The following SFRP1 variants were observed in gnomAD, a reference collection of about 807,000 sequenced individuals.
SFRP1 encodes secreted frizzled related protein 1, also known as secreted frizzled-related protein 1.
Under a neutral mutation model 25.9 loss-of-function variants are expected in SFRP1, and 9 were observed. The ratio of observed to expected loss-of-function variants is 0.35; its 90% CI spans 0.21 to 0.61. SFRP1 has a LOEUF of 0.61. Ranked by LOEUF, SFRP1 falls within the 20% of genes least tolerant of loss-of-function variation. SFRP1 has a pLI of 0.78. For missense variants in SFRP1, 346 were observed against 418.2 expected, an observed-to-expected ratio of 0.83 and a Z score of 1.51; for synonymous variants, 178 against 174.0, an observed-to-expected ratio of 1.02 and a Z score of -0.18.
intron 1 of SFRP1, among the ~76,000 whole-genome samples, chr8:41,305,565 G>A (rs949236754): frequency 7.2e-5 from 11 of 152,180 alleles, no homozygotes; most frequent in South Asian, 2.1e-4. Flanking sequence ...TCATTGGTGC[G>A]TCTTGGGGCT....
chr8:41,277,107 G>A, intron 2 of SFRP1: 1 of 446,522 alleles, frequency 2.2e-6, no homozygotes, highest in South Asian at 1.6e-5. Context: ...GATTTCATCT[G>A]GGAAGCCACG....
intron 2 of SFRP1, among the ~76,000 whole-genome samples, chr8:41,283,565 T>A (rs1187050844): frequency 6.6e-6 from 1 of 150,960 alleles, no homozygotes; most frequent in Non-Finnish European, 1.5e-5. Context: ...AAAAAAAAAA[T>A]TAAACTCCTC....
intron 2 of SFRP1, among the ~76,000 whole-genome samples, chr8:41,291,147 AT>A (rs1803774969): frequency 1.3e-5 from 2 of 151,618 alleles, no homozygotes; most frequent in African/African-American, 4.8e-5. Flanking sequence ...GGACCTCATG[AT>A]CTGCCCACCT....
intron 2 of SFRP1, among the ~76,000 whole-genome samples, chr8:41,268,327 C>G (rs573209184): frequency 5.5e-4 from 84 of 152,284 alleles, no homozygotes; most frequent in African/African-American, 2.0e-3. Context: ...AGGATCAGAA[C>G]CCACACCTAA....
chr8:41,285,978 C>T (rs954902608), intron 2 of SFRP1, among the ~76,000 whole-genome samples: 2 of 144,658 alleles, frequency 1.4e-5, no homozygotes, highest in African/African-American at 5.1e-5. Context: ...GAACAGGCAA[C>T]GTTTCCACTC....
chr8:41,272,339 T>A (rs1257248567), intron 2 of SFRP1, among the ~76,000 whole-genome samples: 1 of 152,180 alleles, frequency 6.6e-6, no homozygotes, highest in Non-Finnish European at 1.5e-5. Context: ...GCACGGTGGC[T>A]CACGCCTGTA....
rs1014675812 is a variant in SFRP1 at position 41,262,265 on chromosome 8, T to G, written c.*2902A>C. The G allele has an allele frequency of 6.6e-6, 1 of 152,230 alleles. No individual in the cohort carries two copies. Among genetic ancestry groups the G allele is most frequent in the Non-Finnish European group, 1.5e-5 (1 of 68,042 alleles). The allele number at this position is 152,230 out of a possible 1,614,324, so 9.4% of individuals were successfully genotyped here. A position where few individuals can be genotyped will look rare whatever the true frequency, so the allele number is the denominator to read the frequency against. Reference sequence around the variant, plus strand: ...ACAGGTCAGAACGGCCAGTATGTTATTCCCTGCAGGCTGCCTAGGGTGCTC... The same window carrying G: ...ACAGGTCAGAACGGCCAGTATGTTAGTCCCTGCAGGCTGCCTAGGGTGCTC... On this transcript the variant is annotated 3_prime_UTR_variant, in exon 3 of 3. Transcript: ENST00000220772.
intron 2 of SFRP1, among the ~76,000 whole-genome samples, chr8:41,282,985 CTCATTCTTCT>C (rs1034483728): frequency 6.6e-5 from 10 of 152,336 alleles, no homozygotes; most frequent in African/African-American, 2.4e-4. Context: ...TATCTACGAT[CTCATTCTTCT>C]TCATTCCACT....
chr8:41,303,582 C>T (rs1439630721), intron 1 of SFRP1, 44 bp from the exon 2 acceptor site: 1 of 1,520,354 alleles, frequency 6.6e-7, no homozygotes, highest in Non-Finnish European at 9.1e-7. Flanking sequence ...AGTTACAGAG[C>T]AGGAAGGGAG....
Position 41,308,882 on chromosome 8 carries a change from T to G in SFRP1, c.278A>C (p.Gln93Pro). The G allele has an allele frequency of 6.2e-7, 1 of 1,611,390 alleles. No homozygotes were observed. Among genetic ancestry groups the G allele is most frequent in the Non-Finnish European group, 8.5e-7 (1 of 1,179,724 alleles). The change falls in exon 1 of 3, where the codon CAG (glutamine) becomes CCG (proline). Residue 93 changes from glutamine (Q) to proline (P), a missense_variant. By Grantham distance (76) the Gln-to-Pro change is moderately conservative (BLOSUM62 -1). Coordinates refer to ENST00000220772, the MANE Select transcript of SFRP1 (RefSeq NM_003012.5). Reference sequence around the variant, plus strand: ...GAGCAGGGGCACCCAGCTGCTGGCCTGCTGCTTCACCTCCGCCATGGTCTC... The same window carrying G: ...GAGCAGGGGCACCCAGCTGCTGGCCGGCTGCTTCACCTCCGCCATGGTCTC... ...EHETMAEVKQ[Q>P]ASSWVPLLNK...
chr8:41,308,934 T>A lies in SFRP1; in HGVS notation c.226A>T (p.Met76Leu). The A allele has an allele frequency of 1.9e-6, 3 of 1,613,398 alleles. No homozygotes were observed. Among genetic ancestry groups the A allele is most frequent in the Non-Finnish European group, 2.5e-6 (3 of 1,179,902 alleles). Residue 76 changes from methionine to leucine, a missense_variant, in exon 1 of 3, where the codon ATG (methionine) becomes TTG (leucine). By Grantham distance (15) the Met-to-Leu change is conservative. Transcript: ENST00000220772. ...RLCHNVGYKK[M>L]VLPNLLEHET... is the part of the protein sequence containing the mutation. ...TGCTCCAGCAGGTTGGGCAGCACCA[T>A]CTTCTTGTAGCCCACGTTGTGGCAC...
chr8:41,287,704 G>A (rs1803722809), intron 2 of SFRP1, among the ~76,000 whole-genome samples: 1 of 152,194 alleles, frequency 6.6e-6, no homozygotes, highest in Admixed American at 6.5e-5. Flanking sequence ...TTCTTTTTAA[G>A]CTTCTCTGAG....
intron 1 of SFRP1, among the ~76,000 whole-genome samples, chr8:41,304,725 A>AG (rs1426571976): frequency 2.6e-5 from 4 of 152,066 alleles, no homozygotes; most frequent in Non-Finnish European, 5.9e-5. Context: ...GGAAGAGAAG[A>AG]GGGGACCTGC....
chr8:41,308,786 G>A lies in SFRP1; in HGVS notation c.374C>T (p.Pro125Leu). The A allele has an allele frequency of 6.2e-7, 1 of 1,611,002 alleles. No individual in the cohort carries two copies. Among genetic ancestry groups the A allele is most frequent in the African/African-American group, 1.3e-5 (1 of 75,004 alleles). The part of the protein sequence containing the change: ...SLFAPVCLDR[P>L]IYPCRWLCEA... The stretch of plus-strand genomic sequence containing the variant: ...GCAGAGCCAGCGACACGGGTAGATG[G>A]GCCGGTCCAGGCAGACGGGCGCGAA... Residue 125 changes from proline to leucine, a missense_variant, in exon 1 of 3, where the codon CCC becomes CTC. By Grantham distance (98) the Pro-to-Leu change is moderately conservative. Transcript: ENST00000220772.
chr8:41,275,553 A>G (rs1009596334), intron 2 of SFRP1, among the ~76,000 whole-genome samples: 3 of 151,210 alleles, frequency 2.0e-5, no homozygotes, highest in African/African-American at 4.9e-5. Context: ...CCCAGGCTGG[A>G]GTGCAGTGGC....
At chr8:41,303,576 A>G in intron 1 of SFRP1, 38 bp from the exon 2 acceptor site, 1 of 1,553,082 alleles carries the variant, frequency 6.4e-7, no homozygotes, top group Non-Finnish European at 8.9e-7. Context: ...ACTGTAAGTT[A>G]CAGAGCAGGA....
At chr8:41,300,199 A>T (rs1197677814) in intron 2 of SFRP1, among the ~76,000 whole-genome samples, 1 of 152,208 alleles carries the variant, frequency 6.6e-6, no homozygotes, top group Non-Finnish European at 1.5e-5. Flanking sequence ...GAAACTGAAA[A>T]TATTTCTACT....
intron 2 of SFRP1, among the ~76,000 whole-genome samples, chr8:41,293,389 C>T (rs772553925): frequency 1.3e-5 from 2 of 152,300 alleles, no homozygotes; most frequent in Non-Finnish European, 2.9e-5. Flanking sequence ...ACATAGAATG[C>T]GAAGCGAGTT....
At position 41,265,139 on chromosome 8, in the gene SFRP1, C is replaced by T; in HGVS notation, c.*28G>A. On this transcript the variant is annotated 3_prime_UTR_variant, in exon 3 of 3. Transcript: ENST00000220772. ...CCCCCCGCTCCCACCCCACCCGAGGCTCCCTCCCCACCCTGCCCCCGGGAG... is the reference window on the plus strand; with the variant it reads ...CCCCCCGCTCCCACCCCACCCGAGGTTCCCTCCCCACCCTGCCCCCGGGAG... 1 of 164,556 alleles carries T rather than the reference C, an allele frequency of 6.1e-6. No homozygotes were observed. The allele number at this position is 164,556 out of a possible 1,614,324, so 10.2% of individuals were successfully genotyped here.
Sources: allele counts gnomAD v4.1 joint callset (sites outside exome capture counted in the v4.1 genomes callset), GRCh38; gene constraint gnomAD v4.1.1; transcripts MANE v1.5; gene names NCBI Gene and HGNC (gene_info 2026-07-23, HGNC 2026-07-21).